MS4A10: variants seen among roughly 807,000 people sequenced by gnomAD.
The protein encoded by MS4A10 is membrane-spanning 4-domains subfamily A member 10.
A neutral mutation model predicts 27.7 loss-of-function variants in MS4A10; 27 were observed. The ratio of observed to expected loss-of-function variants is 0.98; its 90% CI spans 0.72 to 1.35. The LOEUF (loss-of-function observed/expected upper bound fraction) is 1.35, where lower values mean the gene tolerates loss of function less well. MS4A10 is among the 40% of genes most tolerant of loss of function. MS4A10 has a pLI of 0.00. For synonymous variants in MS4A10, 139 were observed against 131.2 expected (o/e 1.06, Z -0.41); for missense variants, 338 against 324.7 (o/e 1.04, Z -0.32).
chr11:60,796,045 G>A (rs964045952), intron 6 of MS4A10, among the ~76,000 whole-genome samples: 6 of 152,180 alleles, frequency 3.9e-5, no homozygotes, highest in African/African-American at 4.8e-5. Flanking sequence ...AGAAGAGCAC[G>A]AGCACTGGCT....
chr11:60,788,229 A>G (rs1165633378), intron 1 of MS4A10, among the ~76,000 whole-genome samples: 1 of 152,240 alleles, frequency 6.6e-6, no homozygotes, highest in East Asian at 1.9e-4. Flanking sequence ...ATCAGGACCA[A>G]TGTTCCATGG....
chr11:60,788,606 GT>G (rs1370966510), intron 1 of MS4A10, among the ~76,000 whole-genome samples: 1 of 152,222 alleles, frequency 6.6e-6, no homozygotes, highest in South Asian at 2.1e-4. Context: ...CCAAGGGACA[GT>G]TCCCAGAGGG....
At chr11:60,792,154 C>A in intron 3 of MS4A10, 111 bp from the exon 4 acceptor site, 1 of 828,078 alleles carries the variant, frequency 1.2e-6, no homozygotes, top group Non-Finnish European at 2.1e-6. Flanking sequence ...TATTCCCTGC[C>A]CCACTGGCCG....
chr11:60,800,604 G>C lies in MS4A10; in HGVS notation c.*695G>C, dbSNP rs527587419. ...CTCCCTCTTTGTCATCTCTTTCGCT[G>C]CCACTTCTGGCTGTGGTCACTAGCT... On this transcript the variant is annotated 3_prime_UTR_variant, in exon 8 of 8. Coordinates refer to ENST00000308287, the MANE Select transcript of MS4A10 (RefSeq NM_206893.4). 6.6e-6 allele frequency: 1 copy of C among 152,394 alleles called. No individual in the cohort carries two copies. The highest frequency in any genetic ancestry group is 1.5e-5 in the Non-Finnish European group (1 of 68,102). The allele number at this position is 152,394 out of a possible 1,614,324, so 9.4% of individuals were successfully genotyped here.
intron 6 of MS4A10, 33 bp downstream of exon 6, chr11:60,795,698 A>G (rs1854517861): frequency 7.0e-7 from 1 of 1,423,552 alleles, no homozygotes; most frequent in East Asian, 2.5e-5. Context: ...CAGGAAGACA[A>G]AAAATGGGGG....
rs1301354774 is a variant in MS4A10, at chr11:60,795,679, TTGTCTTCCCAGGAAGACAAAAAA to T, written c.603+17_603+39del. 1 of 1,526,754 alleles carries T rather than the reference TTGTCTTCCCAGGAAGACAAAAAA, an allele frequency of 6.5e-7. No homozygotes were observed. The highest frequency in any genetic ancestry group is 2.4e-5 in the East Asian group (1 of 41,108). 94.6% of individuals were successfully genotyped at this position (1,526,754 alleles called of 1,614,324 possible). A position where few individuals can be genotyped will look rare whatever the true frequency, so the allele number is the denominator to read the frequency against. On this transcript the variant is annotated intron_variant, in intron 6 of 7. Coordinates refer to ENST00000308287, the MANE Select transcript of MS4A10 (RefSeq NM_206893.4). ...CCATCTGCAAAGGTAAGACAAGGGC[TTGTCTTCCCAGGAAGACAAAAAA>T]TGGGGGCATGAGGCAGCAGAGAGCT... is the stretch of plus-strand genomic sequence containing the variant.
chr11:60,785,742 C>T (rs1322114373), intron 1 of MS4A10, among the ~76,000 whole-genome samples: 1 of 152,126 alleles, frequency 6.6e-6, no homozygotes, highest in Admixed American at 6.5e-5. Flanking sequence ...CAGTTACTGA[C>T]CCTTATTGCT....
At chr11:60,793,951 A>G (rs779504797) in intron 4 of MS4A10, 21 bp from the exon 5 acceptor site, 2 of 1,613,074 alleles carry the variant, frequency 1.2e-6, no homozygotes, top group Non-Finnish European at 1.7e-6. Flanking sequence ...GACAGCTGTT[A>G]CCTTTATTTT....
intron 1 of MS4A10, among the ~76,000 whole-genome samples, chr11:60,789,538 G>T (rs966715469): frequency 6.6e-6 from 1 of 152,176 alleles, no homozygotes; most frequent in African/African-American, 2.4e-5. Flanking sequence ...ATTTCCAATT[G>T]TTGAGCCAAC....
intron 3 of MS4A10, among the ~76,000 whole-genome samples, chr11:60,791,718 C>A (rs1265109585): frequency 1.3e-5 from 2 of 152,252 alleles, no homozygotes; most frequent in Non-Finnish European, 2.9e-5. Flanking sequence ...GTTCTCACTG[C>A]CCACAGGATG....
chr11:60,796,987 C>A (rs1051156483), intron 6 of MS4A10, among the ~76,000 whole-genome samples: 1 of 152,056 alleles, frequency 6.6e-6, no homozygotes, highest in Non-Finnish European at 1.5e-5. Flanking sequence ...TCAAGTTTGA[C>A]ACTGATTTTC....
chr11:60,796,196 T>TGGATG (rs144615250), intron 6 of MS4A10, among the ~76,000 whole-genome samples: 3 of 151,580 alleles, frequency 2.0e-5, no homozygotes, highest in African/African-American at 4.9e-5. Flanking sequence ...ATGCATCCAT[T>TGGATG]GATGGATGGA....
intron 7 of MS4A10, 85 bp downstream of exon 7, chr11:60,798,599 A>G (rs1591002230): frequency 9.3e-7 from 1 of 1,072,460 alleles, no homozygotes. Flanking sequence ...ACCAGTTCCC[A>G]GGGGAGCTGT....
chr11:60,799,724 C>T (rs917576116), intron 7 of MS4A10, 104 bp from the exon 8 acceptor site: 2 of 694,528 alleles, frequency 2.9e-6, no homozygotes, highest in African/African-American at 1.8e-5. Flanking sequence ...TACTGGGCCA[C>T]TGACTCTGAG....
chr11:60,792,184 G>A lies in MS4A10; in HGVS notation c.304-81G>A. 4 of 1,108,656 alleles carry A rather than the reference G, an allele frequency of 3.6e-6. No homozygotes were observed. In the East Asian group the frequency reaches 9.5e-5, roughly 26 times the overall value. The allele number at this position is 1,108,656 out of a possible 1,614,324, so 68.7% of individuals were successfully genotyped here. On this transcript the variant is annotated intron_variant, in intron 3 of 7. Coordinates refer to ENST00000308287, the MANE Select transcript of MS4A10 (RefSeq NM_206893.4). ...TGGCCGCCAAGGGTTGATTTTCTTG[G>A]AGAATAGGGGTGGGGGTGGGAATTT...
intron 7 of MS4A10, 69 bp from the exon 8 acceptor site, chr11:60,799,759 A>G (rs1854600213): frequency 1.3e-6 from 1 of 775,906 alleles, no homozygotes. Flanking sequence ...TTTAATCTCA[A>G]TGTCATTTAA....
intron 3 of MS4A10, 50 bp downstream of exon 3, chr11:60,791,143 C>A: frequency 6.2e-7 from 1 of 1,602,868 alleles, no homozygotes. Context: ...GCAAGGCAGG[C>A]CTGGGAGGCC....
chr11:60,791,327 C>T (rs1590997400), intron 3 of MS4A10, among the ~76,000 whole-genome samples: 4 of 152,144 alleles, frequency 2.6e-5, no homozygotes, highest in African/African-American at 4.8e-5. Flanking sequence ...CACTTGGAGG[C>T]TATCCATTCT....
intron 1 of MS4A10, among the ~76,000 whole-genome samples, chr11:60,786,191 A>ACACG (rs1554971122): frequency 0.072 from 10,170 of 140,426 alleles, 448 homozygotes; most frequent in Non-Finnish European, 0.1. Flanking sequence ...ACACACACGC[A>ACACG]CACACACACA....
Sources: allele counts gnomAD v4.1 joint callset (sites outside exome capture counted in the v4.1 genomes callset), GRCh38; gene constraint gnomAD v4.1.1; transcripts MANE v1.5; gene names NCBI Gene and HGNC (gene_info 2026-07-23, HGNC 2026-07-21).